DNAH9: variants seen among roughly 807,000 people sequenced by gnomAD.
The protein encoded by DNAH9 is DNAH9 variant protein.
Under a neutral mutation model 471.6 loss-of-function variants are expected in DNAH9, and 345 were observed. The observed-to-expected ratio is 0.73, with a 90% confidence interval of 0.67 to 0.80. The LOEUF is 0.80. DNAH9 is among the 30% of genes least tolerant of loss of function. DNAH9 has a pLI of 0.00. For synonymous variants in DNAH9, 2,093 were observed against 2,123.6 expected, an observed-to-expected ratio of 0.99 and a Z score of 0.40; for missense variants, 5,407 against 5,609.2, an observed-to-expected ratio of 0.96 and a Z score of 1.15.
intron 38 of DNAH9, among the ~76,000 whole-genome samples, chr17:11,770,903 C>T (rs1968180360): frequency 1.3e-5 from 2 of 152,248 alleles, no homozygotes; most frequent in South Asian, 4.1e-4. Flanking sequence ...AATACTCCCA[C>T]CGTGGCCAAT....
At chr17:11,903,262 C>T (rs563950973) in intron 60 of DNAH9, among the ~76,000 whole-genome samples, 8 of 151,962 alleles carry the variant, frequency 5.3e-5, no homozygotes, top group Non-Finnish European at 1.0e-4. Flanking sequence ...TGCTTGAACC[C>T]GGGAGGCAGA....
At chr17:11,903,037 G>A in intron 60 of DNAH9, 125 bp downstream of exon 60, 2 of 1,118,652 alleles carry the variant, frequency 1.8e-6, no homozygotes, top group Admixed American at 2.6e-5. Flanking sequence ...GCTAGAGGGT[G>A]GGAATAGAAA....
intron 33 of DNAH9, among the ~76,000 whole-genome samples, chr17:11,753,862 G>T (rs549150036): frequency 6.6e-6 from 1 of 152,090 alleles, no homozygotes; most frequent in African/African-American, 2.4e-5. Context: ...GGTTTGTTAC[G>T]TAGGCAAACT....
chr17:11,957,978 A>G (rs1026780055), intron 67 of DNAH9, among the ~76,000 whole-genome samples: 1 of 152,218 alleles, frequency 6.6e-6, no homozygotes, highest in South Asian at 2.1e-4. Context: ...TGTTTATAAC[A>G]GCATTATTCG....
intron 38 of DNAH9, among the ~76,000 whole-genome samples, chr17:11,778,329 C>CAAAGAAAAA (rs1567795708): frequency 2.1e-5 from 1 of 48,638 alleles, no homozygotes; most frequent in African/African-American, 5.1e-5. Flanking sequence ...GACTCCATCT[C>CAAAGAAAAA]AAAAAAAAAA....
At chr17:11,746,668 A>G (rs1177610238) in intron 31 of DNAH9, among the ~76,000 whole-genome samples, 1 of 152,174 alleles carries the variant, frequency 6.6e-6, no homozygotes, top group Non-Finnish European at 1.5e-5. Flanking sequence ...AAGCCAAACC[A>G]TATCAACAAG....
At chr17:11,796,957 G>T (rs1969265647) in intron 42 of DNAH9, among the ~76,000 whole-genome samples, 1 of 152,126 alleles carries the variant, frequency 6.6e-6, no homozygotes, top group South Asian at 2.1e-4. Context: ...ATTCAACATG[G>T]TAACATTTCT....
At position 11,653,087 on chromosome 17, in the gene DNAH9, C is replaced by G. The variant is rs899968081; in HGVS notation, c.2595+85C>G. 3.5e-6 allele frequency: 5 copies of G among 1,433,304 alleles called. No individual in the cohort carries two copies. The African/African-American group carries it at 7.1e-5, about 20-fold the overall frequency. The allele number at this position is 1,433,304 out of a possible 1,614,324, so 88.8% of individuals were successfully genotyped here. On this transcript the variant is annotated intron_variant, in intron 14 of 68. Transcript: ENST00000262442. ...TGTTTGGATGAATAAGTGATTAGGACAGTCAGTAAGTGCAGTGTCTTCCGA... is the reference window on the plus strand; with the variant it reads ...TGTTTGGATGAATAAGTGATTAGGAGAGTCAGTAAGTGCAGTGTCTTCCGA...
intron 32 of DNAH9, among the ~76,000 whole-genome samples, chr17:11,751,954 C>G (rs1250868338): frequency 2.0e-5 from 3 of 152,002 alleles, no homozygotes; most frequent in Non-Finnish European, 4.4e-5. Flanking sequence ...TGGCAAGAGT[C>G]AATTAAAAAT....
chr17:11,762,770 G>GTTGT (rs1967746481), intron 35 of DNAH9, among the ~76,000 whole-genome samples: 19 of 90,794 alleles, frequency 2.1e-4, no homozygotes, highest in East Asian at 6.6e-4. Context: ...TTTTTTTTTT[G>GTTGT]TTTTTTTTTT....
rs1314819352 is a variant in DNAH9 at position 11,822,042 on chromosome 17, C to T, written c.8830C>T (p.Arg2944Trp). ...RENCWKFFID[R>W]IRRQLKVTLC... is the part of the protein sequence containing the mutation. ...GAACTGTTGGAAGTTCTTTATAGAT[C>T]GGATCCGGCGACAGCTGAAGGTAAA... The change falls in exon 46 of 69, where the codon CGG (arginine) becomes TGG (tryptophan). Residue 2944 changes from arginine (R) to tryptophan (W), a missense_variant. By Grantham distance (101) the Arg-to-Trp change is moderately radical. Coordinates refer to ENST00000262442, the MANE Select transcript of DNAH9 (RefSeq NM_001372.4). 9.3e-6 allele frequency: 15 copies of T among 1,612,966 alleles called. No homozygotes were observed. Among genetic ancestry groups the T allele is most frequent in the East Asian group, 2.2e-5 (1 of 44,886 alleles).
At chr17:11,758,335 C>T (rs1003984006) in intron 35 of DNAH9, among the ~76,000 whole-genome samples, 1 of 152,210 alleles carries the variant, frequency 6.6e-6, no homozygotes, top group African/African-American at 2.4e-5. Context: ...GCACAGGGAG[C>T]TGCCCATGTT....
intron 45 of DNAH9, among the ~76,000 whole-genome samples, chr17:11,812,046 TATATATATAC>T (rs1164727819): frequency 0.012 from 912 of 78,376 alleles, 96 homozygotes; most frequent in African/African-American, 0.033. Flanking sequence ...TATATATATA[TATATATATAC>T]ACATACATAC....
At position 11,604,456 on chromosome 17, in the gene DNAH9, T is replaced by A. The variant is rs80286369; in HGVS notation, c.418-3673T>A. Among the ~76,000 whole-genome samples the A allele has an allele frequency of 5.2e-3, 792 of 152,252 alleles. 39 individuals carry two copies. The East Asian group carries it at 0.11, about 20-fold the overall frequency. On this transcript the variant is annotated intron_variant, in intron 1 of 68. Coordinates refer to ENST00000262442, the MANE Select transcript of DNAH9 (RefSeq NM_001372.4). ...CCACAAGCCATTTGTATCTGACACC[T>A]CCCAAATTTGTTATCTCCAGCCCTC...
At chr17:11,960,799 G>A (rs954627194) in intron 67 of DNAH9, among the ~76,000 whole-genome samples, 4 of 152,020 alleles carry the variant, frequency 2.6e-5, no homozygotes, top group Non-Finnish European at 5.9e-5. Context: ...GAAAAAGTTA[G>A]ATCTAGAATT....
chr17:11,766,863 G>A (rs1046701497), intron 36 of DNAH9, among the ~76,000 whole-genome samples: 5 of 152,050 alleles, frequency 3.3e-5, no homozygotes, highest in African/African-American at 7.2e-5. Flanking sequence ...CCAGCTACTC[G>A]GGAGGCTGAG....
chr17:11,783,812 T>TATA (rs1968757029), intron 40 of DNAH9, 64 bp downstream of exon 40: 1 of 1,362,024 alleles, frequency 7.3e-7, no homozygotes. Context: ...GCCCCTTGAT[T>TATA]ATAAGTATAA....
chr17:11,920,780 T>G, intron 61 of DNAH9, among the ~76,000 whole-genome samples: 1 of 151,962 alleles, frequency 6.6e-6, no homozygotes, highest in East Asian at 1.9e-4. Context: ...CACTGAAAAG[T>G]TGGTAGAAGG....
At chr17:11,708,372 T>A (rs569394652) in intron 26 of DNAH9, among the ~76,000 whole-genome samples, 57 of 152,276 alleles carry the variant, frequency 3.7e-4, no homozygotes, top group African/African-American at 1.2e-3. Context: ...TGGCTCCCAG[T>A]GAAGAAGAAA....
Sources: allele counts gnomAD v4.1 joint callset (sites outside exome capture counted in the v4.1 genomes callset), GRCh38; gene constraint gnomAD v4.1.1; transcripts MANE v1.5; gene names NCBI Gene and HGNC (gene_info 2026-07-23, HGNC 2026-07-21).